The following FAM149A variants were observed in gnomAD, a reference collection of about 807,000 sequenced individuals.
FAM149A encodes protein FAM149A.
A neutral mutation model predicts 78.2 loss-of-function variants in FAM149A; 71 were observed. The observed-to-expected ratio is 0.91, with a 90% CI of 0.75 to 1.11. The LOEUF (loss-of-function observed/expected upper bound fraction) is 1.11, where lower values mean the gene tolerates loss of function less well. Ranked by LOEUF, FAM149A falls within the 50% of genes least tolerant of loss-of-function variation. The probability of loss-of-function intolerance (pLI) is 0.00; values close to 1 mark genes in which losing one functional copy is unlikely to be tolerated. For synonymous variants in FAM149A, 446 were observed against 410.5 expected, an observed-to-expected ratio of 1.09 and a Z score of -1.04; for missense variants, 1,036 against 971.0, an observed-to-expected ratio of 1.07 and a Z score of -0.89.
At chr4:186,169,563 C>A in intron 13 of FAM149A, 1 of 985,458 alleles carries the variant, frequency 1.0e-6, no homozygotes, top group Non-Finnish European at 1.2e-6. Context: ...GCTGCTCACA[C>A]AGGGAGTCGC....
chr4:186,144,815 G>A lies in FAM149A; in HGVS notation c.567-4358G>A. On this transcript the variant is annotated intron_variant, in intron 1 of 13. Transcript: ENST00000389354. The surrounding 1 kb of genome is among the most constrained non-coding windows in gnomAD (Gnocchi z 4.2). Reference sequence around the variant, plus strand: ...CGAGGGCGCAGCGCAGGGAGGAGGAGGGGAGGCGGCGCCGGCGCGGGCGGG... The same window carrying A: ...CGAGGGCGCAGCGCAGGGAGGAGGAAGGGAGGCGGCGCCGGCGCGGGCGGG... The A allele has an allele frequency of 1.0e-6, 1 of 983,720 alleles. No homozygotes were observed. Among genetic ancestry groups the A allele is most frequent in the Non-Finnish European group, 1.2e-6 (1 of 828,998 alleles). 60.9% of individuals were successfully genotyped at this position (983,720 alleles called of 1,614,324 possible).
chr4:186,110,131 C>A (rs1031145969), intron 1 of FAM149A: 12 of 985,342 alleles, frequency 1.2e-5, no homozygotes, highest in Non-Finnish European at 1.4e-5. Flanking sequence ...AACACATGCC[C>A]ATAAAAGACA....
At chr4:186,105,829 A>G (rs911532000) in intron 1 of FAM149A, among the ~76,000 whole-genome samples, 187 bp downstream of exon 1, 2 of 152,236 alleles carry the variant, frequency 1.3e-5, no homozygotes, top group Non-Finnish European at 2.9e-5. Flanking sequence ...GCTTTCAGAC[A>G]TAAGCTGTGA....
chr4:186,130,293 C>CTCTATATA, intron 1 of FAM149A: 494 of 46,546 alleles, frequency 0.011, 3 homozygotes, highest in Admixed American at 0.032. Context: ...CTCTCTCTCT[C>CTCTATATA]TATATATATA....
Position 186,153,696 on chromosome 4 carries a change from C to G in FAM149A, c.984C>G (p.Phe328Leu). 6.2e-7 allele frequency: 1 copy of G among 1,614,096 alleles called. No individual in the cohort carries two copies. The highest frequency in any genetic ancestry group is 1.7e-5 in the Admixed American group (1 of 60,026). Residue 328 changes from phenylalanine to leucine, a missense_variant, in exon 5 of 14, where the codon TTC (phenylalanine) becomes TTG (leucine). This residue lies in a region of FAM149A where 716 missense variants were observed against 711.8 expected (regional missense o/e 1.01). Transcript: ENST00000389354. ...CCACTGACAAAGGCGTCCAGCATTT[C>G]CAGGGCAGCACTCCTGCCTCCGCAG...
At chr4:186,135,882 C>T (rs561611011) in intron 1 of FAM149A, among the ~76,000 whole-genome samples, 4 of 152,268 alleles carry the variant, frequency 2.6e-5, no homozygotes, top group African/African-American at 4.8e-5. Flanking sequence ...GTGACCGCAG[C>T]GGGGAGCACG....
At position 186,156,052 on chromosome 4, in the gene FAM149A, A is replaced by G. The variant is rs4862653; in HGVS notation, c.1282A>G (p.Lys428Glu). The G allele has an allele frequency of 0.88, 1,420,445 of 1,613,682 alleles. 625,981 individuals are homozygous for G. Among genetic ancestry groups the G allele is most frequent in the African/African-American group, 0.94 (70,406 of 74,984 alleles). ...AGCTCAGCCCGGTAGGAAATGGCGC[A>G]AACTCGGACTTCCTCCTGTTTCCCC... The change falls in exon 7 of 14, where the codon AAA becomes GAA. Residue 428 changes from lysine (K) to glutamate (E), a missense_variant. Physicochemically the swap from Lys to Glu is moderately conservative, Grantham distance 56. Transcript: ENST00000389354.
At chr4:186,108,882 C>G (rs1434536603) in intron 1 of FAM149A, among the ~76,000 whole-genome samples, 12 of 148,060 alleles carry the variant, frequency 8.1e-5, no homozygotes, top group African/African-American at 2.7e-4. Context: ...GAGTCTTGCT[C>G]TGTCGCCCAG....
Position 186,105,490 on chromosome 4 carries a change from C to T in FAM149A, c.414C>T (p.Ala138=). Reference sequence around the variant, plus strand: ...CCTCGGGCCCCGGCGGGGTCTGGGCCGCGCTCCCCAGGAACCCGCTCCAGC... The same window carrying T: ...CCTCGGGCCCCGGCGGGGTCTGGGCTGCGCTCCCCAGGAACCCGCTCCAGC... Residue 138 remains alanine (A), a synonymous_variant, in exon 1 of 14, where the codon GCC becomes GCT. Coordinates refer to ENST00000389354, the MANE Select transcript of FAM149A (RefSeq NM_001367768.3). 1 of 1,201,062 alleles carries T rather than the reference C, an allele frequency of 8.3e-7. No homozygotes were observed. The highest frequency in any genetic ancestry group is 1.5e-5 in the South Asian group (1 of 68,606). The allele number at this position is 1,201,062 out of a possible 1,614,324, so 74.4% of individuals were successfully genotyped here. A position where few individuals can be genotyped will look rare whatever the true frequency, so the allele number is the denominator to read the frequency against.
intron 1 of FAM149A, among the ~76,000 whole-genome samples, chr4:186,141,578 CAAAT>C (rs1310970049): frequency 7.9e-5 from 12 of 152,094 alleles, no homozygotes; most frequent in Admixed American, 7.9e-4. Flanking sequence ...AGAGAAGAGA[CAAAT>C]GAATTAAGGA....
At chr4:186,117,779 G>A in intron 1 of FAM149A, 1 of 771,686 alleles carries the variant, frequency 1.3e-6, no homozygotes, top group Non-Finnish European at 1.6e-6. Context: ...TAATGTGCAG[G>A]GAGCTAGTAG....
chr4:186,164,368 C>A lies in FAM149A; in HGVS notation c.1889+735C>A. ...AGGAAGAGGCCCAGCCGGACACACC[C>A]ACAAGTGCTCTCAGGCTTTAGAGAC... On this transcript the variant is annotated intron_variant, in intron 10 of 13. Coordinates refer to ENST00000389354, the MANE Select transcript of FAM149A (RefSeq NM_001367768.3). This position sits in a 1 kb window ranked among gnomAD's most constrained non-coding sequence, Gnocchi z 4.0. 2 of 623,144 alleles carry A rather than the reference C, an allele frequency of 3.2e-6. No homozygotes were observed. The highest frequency in any genetic ancestry group is 7.0e-5 in the South Asian group (1 of 14,302). The allele number at this position is 623,144 out of a possible 1,614,324, so 38.6% of individuals were successfully genotyped here. A position where few individuals can be genotyped will look rare whatever the true frequency, so the allele number is the denominator to read the frequency against.
Position 186,148,317 on chromosome 4 carries a change from CTT to C in FAM149A, c.567-852_567-851del, listed in dbSNP as rs1330503768. ...CCTTATAATCGAAAGCAAAAGCAAACTTTTTAAAAATGCATTTTAGAGTGGTG... is the reference window on the plus strand; with the variant it reads ...CCTTATAATCGAAAGCAAAAGCAAACTTTAAAAATGCATTTTAGAGTGGTG... On this transcript the variant is annotated intron_variant, in intron 1 of 13. Coordinates refer to ENST00000389354, the MANE Select transcript of FAM149A (RefSeq NM_001367768.3). Among the ~76,000 whole-genome samples the C allele has an allele frequency of 4.6e-5, 7 of 152,222 alleles. No individual in the cohort carries two copies. In the South Asian group the frequency reaches 1.2e-3, roughly 27 times the overall value.
chr4:186,107,784 C>G (rs1386786611), intron 1 of FAM149A: 1 of 152,218 alleles, frequency 6.6e-6, no homozygotes, highest in Non-Finnish European at 1.5e-5. Flanking sequence ...TTGCAGAATC[C>G]TCCTGAGTTT....
At chr4:186,118,000 T>G (rs1000229174) in intron 1 of FAM149A, 2 of 985,314 alleles carry the variant, frequency 2.0e-6, no homozygotes, top group Admixed American at 6.1e-5. Context: ...GTCATGCAGA[T>G]GAGGAGTTCA....
chr4:186,166,910 T>C (rs1398297169), intron 11 of FAM149A, 58 bp from the exon 12 acceptor site: 1 of 1,550,370 alleles, frequency 6.5e-7, no homozygotes. Flanking sequence ...CGAGATTTTC[T>C]TTTGTGTTTT....
At chr4:186,165,538 C>A in intron 11 of FAM149A, 74 bp downstream of exon 11, 1 of 1,500,498 alleles carries the variant, frequency 6.7e-7, no homozygotes, top group Non-Finnish European at 9.2e-7. Flanking sequence ...ACAACCTTGG[C>A]ACTTCCAAGT....
intron 1 of FAM149A, among the ~76,000 whole-genome samples, chr4:186,134,411 C>G (rs1024044219): frequency 6.6e-6 from 1 of 152,180 alleles, no homozygotes; most frequent in Non-Finnish European, 1.5e-5. Context: ...GCAGCAAGGA[C>G]AGGAAGAGCC....
intron 4 of FAM149A, among the ~76,000 whole-genome samples, chr4:186,152,824 A>G (rs1010450716): frequency 3.3e-5 from 5 of 152,104 alleles, no homozygotes; most frequent in Admixed American, 6.5e-5. Flanking sequence ...GATTACAGGC[A>G]TGAGCCACCG....
Sources: gnomAD v4.1 joint callset for allele counts (sites outside exome capture counted in the v4.1 genomes callset) on GRCh38, gnomAD v4.1.1 for gene constraint, gnomAD v4.1.1 regional missense constraint, Gnocchi (gnomAD v3.1) non-coding constraint, MANE v1.5 for transcripts, NCBI Gene and HGNC (gene_info 2026-07-23, HGNC 2026-07-21) for gene names.